The following CREB1 variants were observed in gnomAD, a reference collection of about 807,000 sequenced individuals.
CREB1 encodes the protein cyclic AMP-responsive element-binding protein 1.
A neutral mutation model predicts 42.0 loss-of-function variants in CREB1; 2 were observed. The ratio of observed to expected loss-of-function variants is 0.05; its 90% confidence interval spans 0.02 to 0.15. The LOEUF (loss-of-function observed/expected upper bound fraction) is 0.15. Ranked by LOEUF, CREB1 falls within the 10% of genes least tolerant of loss-of-function variation. The pLI, the probability that CREB1 is intolerant of heterozygous loss-of-function variation, is 1.00. For synonymous variants in CREB1, 123 were observed against 139.9 expected (o/e 0.88, Z 0.85); for missense variants, 199 against 388.9 (o/e 0.51, Z 4.11).
At chr2:207,553,885 AT>A (rs1448635565) in intron 1 of CREB1, among the ~76,000 whole-genome samples, 1 of 152,198 alleles carries the variant, frequency 6.6e-6, no homozygotes, top group African/African-American at 2.4e-5. Flanking sequence ...CACCTTTTGC[AT>A]GCATAAACCT....
At chr2:207,578,948 G>T (rs368546036) in intron 7 of CREB1, among the ~76,000 whole-genome samples, 1 of 151,952 alleles carries the variant, frequency 6.6e-6, no homozygotes, top group African/African-American at 2.4e-5. Context: ...CCACCACCAC[G>T]CCTGGCTAAT....
At chr2:207,556,878 T>A (rs570587618) in intron 2 of CREB1, among the ~76,000 whole-genome samples, 3 of 152,202 alleles carry the variant, frequency 2.0e-5, no homozygotes, top group Non-Finnish European at 4.4e-5. Context: ...GGCTCACGCC[T>A]ATAATCCAAA....
At chr2:207,592,911 C>CAAAAAAGAAAAAAAGAA (rs146008919) in intron 7 of CREB1, among the ~76,000 whole-genome samples, 1 of 145,122 alleles carries the variant, frequency 6.9e-6, no homozygotes, top group Non-Finnish European at 1.5e-5. Context: ...GACTCCATCT[C>CAAAAAAGAAAAAAAGAA]AAAAAAGAAA....
chr2:207,562,730 T>A (rs1183135964), intron 3 of CREB1, among the ~76,000 whole-genome samples: 1 of 152,210 alleles, frequency 6.6e-6, no homozygotes, highest in East Asian at 1.9e-4. Context: ...GGAAATAGTT[T>A]TTATCAAAAG....
rs1575084228 is a variant in CREB1, at chr2:207,604,665, T to C, written c.*7607T>C. ...TTAAGTGGTAGTACATCCACAATGG[T>C]GTACAACCACCACTTCTATCTAGCT... On this transcript the variant is annotated 3_prime_UTR_variant, in exon 8 of 8. Transcript: ENST00000353267. Among the ~76,000 whole-genome samples the C allele has an allele frequency of 6.6e-6, 1 of 152,238 alleles. No individual in the cohort carries two copies. Among genetic ancestry groups the C allele is most frequent in the Admixed American group, 6.5e-5 (1 of 15,298 alleles).
In CREB1 at chr2:207,571,022, C is replaced by CTTTTT. The variant is rs71036933; in HGVS notation, c.505+709_505+713dup. Among the ~76,000 whole-genome samples the CTTTTT allele has an allele frequency of 1.4e-3, 93 of 68,450 alleles. 2 individuals are homozygous for CTTTTT. The highest frequency in any genetic ancestry group is 2.6e-3 in the African/African-American group (66 of 25,642). The allele number at this position is 68,450 out of a possible 152,430, so 44.9% of individuals were successfully genotyped here. A position where few individuals can be genotyped will look rare whatever the true frequency, so the allele number is the denominator to read the frequency against. On this transcript the variant is annotated intron_variant, in intron 5 of 7. Coordinates refer to ENST00000353267, the MANE Select transcript of CREB1 (RefSeq NM_004379.5). ...GAATGGTACTTTTTTCTCTTTTTCC[C>CTTTTT]TTTTTTTTTTTTGCCTCTCAAAGTG... is the stretch of plus-strand genomic sequence containing the variant.
intron 7 of CREB1, among the ~76,000 whole-genome samples, chr2:207,593,728 T>A (rs1206689759): frequency 2.0e-5 from 3 of 150,134 alleles, no homozygotes; most frequent in African/African-American, 7.4e-5. Context: ...ACTTTTTTTT[T>A]TTTTTTTTTT....
chr2:207,576,241 C>CTTTTTTTTTTTTTTTTTTT (rs35735523), intron 6 of CREB1, among the ~76,000 whole-genome samples: 1 of 101,068 alleles, frequency 9.9e-6, no homozygotes, highest in Non-Finnish European at 1.9e-5. Context: ...CTTTTTTTGG[C>CTTTTTTTTTTTTTTTTTTT]TTTTTTTTTT....
intron 7 of CREB1, among the ~76,000 whole-genome samples, chr2:207,590,082 AGTTTT>A (rs71036936): frequency 0.23 from 21,553 of 95,432 alleles, 1,819 homozygotes; most frequent in Middle Eastern, 0.3. Flanking sequence ...TATTTTGAGA[AGTTTT>A]TTTTTTTTTT....
intron 6 of CREB1, chr2:207,577,285 T>A: frequency 1.9e-6 from 2 of 1,052,054 alleles, no homozygotes; most frequent in Non-Finnish European, 2.6e-6. Context: ...AAATGTAAGA[T>A]CCAGCGGACA....
Position 207,605,724 on chromosome 2 carries a change from C to A in CREB1, c.*8666C>A, listed in dbSNP as rs2709396. Among the ~76,000 whole-genome samples the A allele has an allele frequency of 6.6e-6, 1 of 152,104 alleles. No individual in the cohort carries two copies. The highest frequency in any genetic ancestry group is 1.5e-5 in the Non-Finnish European group (1 of 68,010). On this transcript the variant is annotated 3_prime_UTR_variant, in exon 8 of 8. Coordinates refer to ENST00000353267, the MANE Select transcript of CREB1 (RefSeq NM_004379.5). ...CAGATACAGTTTAACCAGTCCTCTTCTGGGGACATTTGGCTGTTTGAAATT... is the reference window on the plus strand; with the variant it reads ...CAGATACAGTTTAACCAGTCCTCTTATGGGGACATTTGGCTGTTTGAAATT...
At chr2:207,558,722 G>A (rs2081835134) in intron 2 of CREB1, among the ~76,000 whole-genome samples, 1 of 148,012 alleles carries the variant, frequency 6.8e-6, no homozygotes, top group Admixed American at 6.9e-5. Context: ...TCGGCTCACT[G>A]CAACCTCTGC....
chr2:207,538,787 A>G (rs1393072693), intron 1 of CREB1, among the ~76,000 whole-genome samples: 1 of 152,248 alleles, frequency 6.6e-6, no homozygotes, highest in African/African-American at 2.4e-5. Context: ...CTTCTCTGAA[A>G]TGAAGACGTT....
intron 1 of CREB1, among the ~76,000 whole-genome samples, chr2:207,547,350 C>T (rs1183973167): frequency 6.6e-6 from 1 of 152,172 alleles, no homozygotes; most frequent in Non-Finnish European, 1.5e-5. Flanking sequence ...AACTTCGGGG[C>T]ATAGTAACTT....
At chr2:207,547,410 C>T (rs534510210) in intron 1 of CREB1, among the ~76,000 whole-genome samples, 1 of 152,264 alleles carries the variant, frequency 6.6e-6, no homozygotes, top group African/African-American at 2.4e-5. Context: ...GCAGAACTAA[C>T]ATTTGAAGAC....
intron 1 of CREB1, among the ~76,000 whole-genome samples, chr2:207,530,969 G>C (rs932213676): frequency 5.5e-5 from 8 of 146,586 alleles, no homozygotes; most frequent in Non-Finnish European, 9.0e-5. Flanking sequence ...TCACCCCTTT[G>C]CTTTTTTTTT....
intron 1 of CREB1, among the ~76,000 whole-genome samples, chr2:207,555,064 A>G (rs901130809): frequency 6.6e-6 from 1 of 152,188 alleles, no homozygotes; most frequent in African/African-American, 2.4e-5. Flanking sequence ...GCAACAGAGC[A>G]AGACCTCATC....
chr2:207,547,363 G>C (rs370171108), intron 1 of CREB1, among the ~76,000 whole-genome samples: 1 of 152,118 alleles, frequency 6.6e-6, no homozygotes, highest in African/African-American at 2.4e-5. Context: ...AGTAACTTTT[G>C]GGTACTTACA....
At position 207,603,863 on chromosome 2, in the gene CREB1, T is replaced by C. The variant is rs1203154185; in HGVS notation, c.*6805T>C. Among the ~76,000 whole-genome samples, 1 of 152,190 alleles carries C rather than the reference T, an allele frequency of 6.6e-6. No homozygotes were observed. Among genetic ancestry groups the C allele is most frequent in the Admixed American group, 6.5e-5 (1 of 15,270 alleles). On this transcript the variant is annotated 3_prime_UTR_variant, in exon 8 of 8. Transcript: ENST00000353267. ...TTAAGCTGTAAGAATAAAAAAGTTA[T>C]CTCCTATACTATTAACTTCTGAAAT...
Sources: gnomAD v4.1 joint callset for allele counts (sites outside exome capture counted in the v4.1 genomes callset) on GRCh38, gnomAD v4.1.1 for gene constraint, MANE v1.5 for transcripts, NCBI Gene and HGNC (gene_info 2026-07-23, HGNC 2026-07-21) for gene names.